The following MRPL37 variants were observed in gnomAD, a reference collection of about 807,000 sequenced individuals.
MRPL37 encodes mitochondrial ribosomal protein L37, also known as large ribosomal subunit protein mL37.
In MRPL37, 34 loss-of-function variants were observed where a neutral mutation model predicts 44.1. That is an observed-to-expected ratio of 0.77 (90% CI 0.59 to 1.03). The LOEUF is 1.03. Ranked by LOEUF, MRPL37 falls within the 50% of genes least tolerant of loss-of-function variation. The pLI is 0.00. For missense variants in MRPL37, 532 were observed against 543.7 expected (o/e 0.98, Z 0.21); for synonymous variants, 212 against 219.5 (o/e 0.97, Z 0.30).
chr1:54,221,702 GCACA>G (rs149889044), downstream of MRPL37, among the ~76,000 whole-genome samples: 1 of 151,762 alleles, frequency 6.6e-6, no homozygotes, highest in Non-Finnish European at 1.5e-5. Flanking sequence ...TCAGACATGT[GCACA>G]CACACACACG....
At position 54,200,468 on chromosome 1, in the gene MRPL37, T is replaced by A; in HGVS notation, c.225T>A (p.Phe75Leu). ...TGCCCTGGCTGGCGCGGCCGATCTT[T>A]CCGCCCTGGGACCGCGGCTACAAGG... is the stretch of plus-strand genomic sequence containing the variant. ...HFVPWLARPI[F>L]PPWDRGYKDP... Residue 75 changes from phenylalanine (F) to leucine (L), a missense_variant, in exon 1 of 7, where the codon TTT becomes TTA. Phe to Leu is a conservative substitution (Grantham distance 22, BLOSUM62 0). Coordinates refer to ENST00000360840, the MANE Select transcript of MRPL37 (RefSeq NM_016491.4). The A allele has an allele frequency of 6.2e-7, 1 of 1,614,222 alleles. No homozygotes were observed. The highest frequency in any genetic ancestry group is 8.5e-7 in the Non-Finnish European group (1 of 1,180,040).
At chr1:54,204,362 A>G (rs1219223559) in intron 1 of MRPL37, among the ~76,000 whole-genome samples, 3 of 152,038 alleles carry the variant, frequency 2.0e-5, no homozygotes, top group Non-Finnish European at 4.4e-5. Flanking sequence ...CATGTCGCCC[A>G]GTCAGCCTGG....
downstream of MRPL37, among the ~76,000 whole-genome samples, chr1:54,219,234 G>T (rs1644218054): frequency 6.6e-6 from 1 of 152,246 alleles, no homozygotes. Context: ...ACAGCGGGTG[G>T]GACCTTGGGC....
intron 3 of MRPL37, 90 bp from the exon 4 acceptor site, chr1:54,209,856 C>T (rs1299875515): frequency 2.2e-6 from 3 of 1,391,868 alleles, no homozygotes; most frequent in East Asian, 4.6e-5. Flanking sequence ...CTTGGCCTCC[C>T]AAAGTGCTGG....
downstream of MRPL37, among the ~76,000 whole-genome samples, chr1:54,223,386 G>A (rs115808028): frequency 7.0e-3 from 1,064 of 152,342 alleles, 9 homozygotes; most frequent in African/African-American, 0.024. Context: ...CCTGGAGTCT[G>A]TGGAATCTGG....
downstream of MRPL37, among the ~76,000 whole-genome samples, chr1:54,220,182 G>A (rs33988698): frequency 0.16 from 24,571 of 152,080 alleles, 2,414 homozygotes; most frequent in East Asian, 0.47. Context: ...ATGGCTTGGC[G>A]TGATCCTGAG....
intron 1 of MRPL37, 32 bp from the exon 2 acceptor site, chr1:54,204,978 TTTCTTTCC>T: frequency 6.3e-7 from 1 of 1,582,046 alleles, no homozygotes; most frequent in Non-Finnish European, 8.6e-7. Context: ...CCTGAATCTT[TTTCTTTCC>T]TTCTTTATTT....
In MRPL37 at chr1:54,216,288, C is replaced by CAGCT. The variant is rs768508063; in HGVS notation, c.1139_1142dup (p.Leu382AlafsTer50). 6.2e-7 allele frequency: 1 copy of CAGCT among 1,614,174 alleles called. No individual in the cohort carries two copies. The highest frequency in any genetic ancestry group is 1.6e-4 in the Middle Eastern group (1 of 6,062). On this transcript the variant is annotated frameshift_variant, in exon 6 of 7. Transcript: ENST00000360840. LOFTEE classifies it high-confidence loss of function. ...GAATTTGGCCTGGGTGGACTCAGAC[C>CAGCT]AGCTCCTCTATCAGCATTTTTGGTG...
downstream of MRPL37, among the ~76,000 whole-genome samples, chr1:54,219,704 A>G (rs949329473): frequency 6.6e-6 from 1 of 152,274 alleles, no homozygotes; most frequent in South Asian, 2.1e-4. Flanking sequence ...ATCCCTAGCT[A>G]GTCCTTTTCT....
At chr1:54,215,139 C>T (rs192030732) in intron 5 of MRPL37, among the ~76,000 whole-genome samples, 1 of 152,208 alleles carries the variant, frequency 6.6e-6, no homozygotes, top group Admixed American at 6.5e-5. Flanking sequence ...TATGATTTAT[C>T]TCCCAAACTG....
At chr1:54,203,467 C>CTTTTTTTTTTTTT (rs780467512) in intron 1 of MRPL37, among the ~76,000 whole-genome samples, 1 of 98,874 alleles carries the variant, frequency 1.0e-5, no homozygotes, top group African/African-American at 4.1e-5. Flanking sequence ...ACTTCATTTA[C>CTTTTTTTTTTTTT]TTTTTTTTTT....
At chr1:54,222,667 C>T (rs1328291620), downstream of MRPL37, among the ~76,000 whole-genome samples, 1 of 152,144 alleles carries the variant, frequency 6.6e-6, no homozygotes, top group Non-Finnish European at 1.5e-5. Flanking sequence ...GTCCTTCGGC[C>T]TCTTCTCCAT....
At chr1:54,223,393 C>T (rs967814677), downstream of MRPL37, among the ~76,000 whole-genome samples, 1 of 152,252 alleles carries the variant, frequency 6.6e-6, no homozygotes, top group Non-Finnish European at 1.5e-5. Flanking sequence ...TCTGTGGAAT[C>T]TGGGAACACA....
intron 4 of MRPL37, among the ~76,000 whole-genome samples, chr1:54,210,669 C>T (rs1050185811): frequency 6.6e-6 from 1 of 152,190 alleles, no homozygotes; most frequent in African/African-American, 2.4e-5. Context: ...GCCCCCACTT[C>T]CTGCCATCCA....
downstream of MRPL37, among the ~76,000 whole-genome samples, chr1:54,222,859 A>G (rs912311709): frequency 6.6e-6 from 1 of 152,054 alleles, no homozygotes; most frequent in Non-Finnish European, 1.5e-5. Flanking sequence ...CACCTCCACA[A>G]ACGGCATCTC....
Position 54,204,135 on chromosome 1 carries a change from C to T in MRPL37, c.347-883C>T, listed in dbSNP as rs576310848. On this transcript the variant is annotated intron_variant, in intron 1 of 6. Transcript: ENST00000360840. ...CAGTGGCTAATGCCTATAATCCCAGCACTTTGGGAGGCCTAGGCAGGCAGA... is the reference window on the plus strand; with the variant it reads ...CAGTGGCTAATGCCTATAATCCCAGTACTTTGGGAGGCCTAGGCAGGCAGA... 2.6e-5 allele frequency among the ~76,000 whole-genome samples: 4 copies of T among 152,340 alleles called. No homozygotes were observed. In the East Asian group the frequency reaches 7.7e-4, roughly 29 times the overall value.
intron 3 of MRPL37, among the ~76,000 whole-genome samples, chr1:54,205,867 C>T (rs1395801167): frequency 6.6e-6 from 1 of 152,126 alleles, no homozygotes; most frequent in Non-Finnish European, 1.5e-5. Context: ...GTTTCAGATC[C>T]TTCACTGTCT....
At chr1:54,204,449 A>G (rs1423622259) in intron 1 of MRPL37, among the ~76,000 whole-genome samples, 4 of 152,118 alleles carry the variant, frequency 2.6e-5, no homozygotes, top group African/African-American at 9.7e-5. Context: ...CAACCTTTCT[A>G]TACTAAGGCC....
chr1:54,205,479 C>T, intron 3 of MRPL37, 69 bp downstream of exon 3: 1 of 1,279,316 alleles, frequency 7.8e-7, no homozygotes, highest in Non-Finnish European at 1.1e-6. Flanking sequence ...ACCCCACCAC[C>T]AGCTCCCATC....
Sources: allele counts gnomAD v4.1 joint callset (sites outside exome capture counted in the v4.1 genomes callset), GRCh38; gene constraint gnomAD v4.1.1; transcripts MANE v1.5; gene names NCBI Gene and HGNC (gene_info 2026-07-23, HGNC 2026-07-21).